The following SATB2 variants were observed in gnomAD, a reference collection of about 807,000 sequenced individuals.
SATB2 encodes DNA-binding protein SATB2.
In SATB2, 1 loss-of-function variant was observed where a neutral mutation model predicts 73.4. That is an observed-to-expected ratio of 0.01 (90% CI 0.00 to 0.06). The LOEUF (loss-of-function observed/expected upper bound fraction) is 0.06. Ranked by LOEUF, SATB2 falls within the 10% of genes least tolerant of loss-of-function variation. The pLI is 1.00. For missense variants in SATB2, 459 were observed against 945.8 expected (o/e 0.49, Z 6.75); for synonymous variants, 397 against 367.0 (o/e 1.08, Z -0.93).
chr2:199,465,490 C>T (rs1003653247), upstream of SATB2, among the ~76,000 whole-genome samples: 14 of 152,174 alleles, frequency 9.2e-5, no homozygotes, highest in African/African-American at 3.4e-4. Flanking sequence ...TATGATAAAA[C>T]GTTGTAATTT....
At chr2:199,398,710 A>C (rs1690377863) in intron 3 of SATB2, among the ~76,000 whole-genome samples, 1 of 152,222 alleles carries the variant, frequency 6.6e-6, no homozygotes, top group Non-Finnish European at 1.5e-5. Flanking sequence ...ATTTAACCAA[A>C]TGTAAACTAC....
At position 199,463,790 on chromosome 2, in the gene SATB2, C is replaced by T. The variant is rs1235541169; in HGVS notation, c.-141+1046G>A. On this transcript the variant is annotated intron_variant, in intron 1 of 11. Coordinates refer to the SATB2 transcript ENST00000260926. This position sits in a 1 kb window ranked among gnomAD's most constrained non-coding sequence, Gnocchi z 6.4. ...TCCCAACCCCTTGAAATGAAAAGTA[C>T]ACCTGGAAAGCCCAAGATAGCACCC... Among the ~76,000 whole-genome samples the T allele has an allele frequency of 6.6e-6, 1 of 152,196 alleles. No homozygotes were observed. The highest frequency in any genetic ancestry group is 1.5e-5 in the Non-Finnish European group (1 of 68,034).
chr2:199,375,457 T>G (rs1689572502), intron 5 of SATB2, among the ~76,000 whole-genome samples: 1 of 152,204 alleles, frequency 6.6e-6, no homozygotes, highest in South Asian at 2.1e-4. Flanking sequence ...GCTAAATCAT[T>G]ACTTCCCTGT....
chr2:199,377,379 A>C, intron 5 of SATB2, among the ~76,000 whole-genome samples: 1 of 152,276 alleles, frequency 6.6e-6, no homozygotes, highest in East Asian at 1.9e-4. Context: ...TTCTGTCTTA[A>C]AAACAAACAA....
chr2:199,360,156 C>T (rs1413981435), intron 6 of SATB2, among the ~76,000 whole-genome samples: 2 of 152,152 alleles, frequency 1.3e-5, no homozygotes, highest in Non-Finnish European at 2.9e-5. Context: ...AAAGAGTTCT[C>T]TGATTTTCAC....
intron 3 of SATB2, among the ~76,000 whole-genome samples, chr2:199,405,393 T>G (rs548066455): frequency 2.0e-5 from 3 of 152,066 alleles, no homozygotes; most frequent in Non-Finnish European, 4.4e-5. Flanking sequence ...AAAATGAAGA[T>G]TCTGGGATCT....
At chr2:199,352,907 A>G (rs1688859694) in intron 6 of SATB2, among the ~76,000 whole-genome samples, 1 of 152,172 alleles carries the variant, frequency 6.6e-6, no homozygotes, top group Admixed American at 6.5e-5. Flanking sequence ...TCTGAAAACC[A>G]GATCTGCCCA....
chr2:199,314,951 C>T (rs1358378821), intron 9 of SATB2, among the ~76,000 whole-genome samples: 2 of 152,002 alleles, frequency 1.3e-5, no homozygotes, highest in East Asian at 3.9e-4. Flanking sequence ...AAGTCAAGAG[C>T]ATGACTTATC....
At chr2:199,334,869 C>T (rs1314829785) in intron 7 of SATB2, among the ~76,000 whole-genome samples, 1 of 152,098 alleles carries the variant, frequency 6.6e-6, no homozygotes, top group Non-Finnish European at 1.5e-5. Context: ...CGTTTCTCTC[C>T]TAACCTCCAG....
rs1303636198 is a variant in SATB2, at chr2:199,269,861, C to G, written c.*2350G>C. 1 of 152,712 alleles carries G rather than the reference C, an allele frequency of 6.5e-6. No individual in the cohort carries two copies. Among genetic ancestry groups the G allele is most frequent in the African/African-American group, 2.4e-5 (1 of 41,456 alleles). The allele number at this position is 152,712 out of a possible 1,614,324, so 9.5% of individuals were successfully genotyped here. On this transcript the variant is annotated 3_prime_UTR_variant, in exon 11 of 11. Transcript: ENST00000417098. ...CCACAGGCTAAAATGCCCACAGATT[C>G]ACTTAGAACCACTGCAAACTTGGCA...
intron 6 of SATB2, among the ~76,000 whole-genome samples, chr2:199,350,955 C>A (rs929319757): frequency 1.4e-5 from 2 of 145,978 alleles, no homozygotes; most frequent in Non-Finnish European, 3.0e-5. Flanking sequence ...CCCCAGGAGG[C>A]AGAGGCAAAG....
intron 10 of SATB2, among the ~76,000 whole-genome samples, chr2:199,306,118 C>A (rs1039218136): frequency 1.3e-5 from 2 of 152,096 alleles, no homozygotes; most frequent in African/African-American, 4.8e-5. Context: ...AACCCCGAGT[C>A]CTTGGCTTTT....
intron 5 of SATB2, among the ~76,000 whole-genome samples, chr2:199,378,500 C>T (rs747601483): frequency 6.6e-6 from 1 of 152,110 alleles, no homozygotes; most frequent in Non-Finnish European, 1.5e-5. Flanking sequence ...ACATACATAC[C>T]TACAGGTAGG....
chr2:199,404,092 G>A (rs533669889), intron 3 of SATB2, among the ~76,000 whole-genome samples: 2 of 152,290 alleles, frequency 1.3e-5, no homozygotes, highest in South Asian at 4.1e-4. Context: ...AACGCTGTAC[G>A]GAGGAACTTC....
intron 3 of SATB2, chr2:199,396,998 G>T (rs1690320998): frequency 6.6e-6 from 1 of 151,658 alleles, no homozygotes; most frequent in African/African-American, 2.4e-5. Flanking sequence ...TTCCTGAATG[G>T]CTGTTTACCT....
intron 10 of SATB2, among the ~76,000 whole-genome samples, chr2:199,291,682 G>A (rs181688179): frequency 1.1e-3 from 163 of 152,238 alleles, no homozygotes; most frequent in Non-Finnish European, 2.1e-3. Context: ...GGAGGCCGAG[G>A]CGGGTGGATC....
chr2:199,444,233 C>T (rs986307640), intron 2 of SATB2, among the ~76,000 whole-genome samples: 3 of 151,992 alleles, frequency 2.0e-5, no homozygotes, highest in Non-Finnish European at 4.4e-5. Context: ...TATGTTCATC[C>T]TGAATATGTT....
rs551919731 is a variant in SATB2, at chr2:199,304,040, G to A, written c.1740+4720C>T. On this transcript the variant is annotated intron_variant, in intron 10 of 10. Transcript: ENST00000417098. ...TCACTCAATGACCTAGTCATAGCAT[G>A]AGCAATGTCCTTTCTTCTCTCCTGC... 1.3e-4 allele frequency among the ~76,000 whole-genome samples: 20 copies of A among 152,286 alleles called. No individual in the cohort carries two copies. The East Asian group carries it at 3.9e-3, about 29-fold the overall frequency.
chr2:199,381,886 T>C (rs1574568868), intron 3 of SATB2, 66 bp from the exon 4 acceptor site: 5 of 1,567,246 alleles, frequency 3.2e-6, no homozygotes, highest in Non-Finnish European at 3.5e-6. Context: ...CATTGTTTGT[T>C]CAATGTTAAG....
Sources: gnomAD v4.1 joint callset for allele counts (sites outside exome capture counted in the v4.1 genomes callset) on GRCh38, gnomAD v4.1.1 for gene constraint, Gnocchi (gnomAD v3.1) non-coding constraint, MANE v1.5 for transcripts, NCBI Gene and HGNC (gene_info 2026-07-23, HGNC 2026-07-21) for gene names.